Variants in DOCK4 observed in about 807,000 individuals in gnomAD.
The protein encoded by DOCK4 is dedicator of cytokinesis 4.
DOCK4 carries 97 observed loss-of-function variants against 268.1 expected under a neutral mutation model. The ratio of observed to expected loss-of-function variants is 0.36; its 90% CI spans 0.31 to 0.43. The LOEUF (loss-of-function observed/expected upper bound fraction) is 0.43. DOCK4 is among the 20% of genes least tolerant of loss of function. The probability of loss-of-function intolerance (pLI) is 1.00; values close to 1 mark genes in which losing one functional copy is unlikely to be tolerated. For missense variants in DOCK4, 2,145 were observed against 2,455.7 expected (o/e 0.87, Z 2.67); for synonymous variants, 954 against 887.2 (o/e 1.08, Z -1.34).
intron 1 of DOCK4, among the ~76,000 whole-genome samples, chr7:112,205,101 A>G (rs531023814): frequency 4.7e-4 from 72 of 152,228 alleles, no homozygotes; most frequent in Non-Finnish European, 8.5e-4. Flanking sequence ...AGCTGAAATC[A>G]AACAACAAAA....
At chr7:111,921,555 A>G (rs553229434) in intron 12 of DOCK4, among the ~76,000 whole-genome samples, 5 of 152,332 alleles carry the variant, frequency 3.3e-5, no homozygotes, top group Non-Finnish European at 5.9e-5. Context: ...CAAAAATGGA[A>G]AACTGTGATA....
intron 30 of DOCK4, among the ~76,000 whole-genome samples, chr7:111,802,763 G>A (rs756087186): frequency 4.0e-5 from 6 of 151,590 alleles, no homozygotes; most frequent in Admixed American, 2.6e-4. Context: ...AATTTCAAAC[G>A]CACACAAAAT....
chr7:111,885,504 T>G (rs1049676356), intron 16 of DOCK4, among the ~76,000 whole-genome samples: 1 of 152,110 alleles, frequency 6.6e-6, no homozygotes, highest in Non-Finnish European at 1.5e-5. Context: ...ACAGCTAAAG[T>G]GTTACCAGTG....
intron 6 of DOCK4, among the ~76,000 whole-genome samples, chr7:111,984,758 T>G (rs1798919551): frequency 6.6e-6 from 1 of 152,132 alleles, no homozygotes; most frequent in South Asian, 2.1e-4. Flanking sequence ...CATCATTTGG[T>G]TCTAGAAATT....
chr7:112,092,512 G>A (rs551076457), intron 1 of DOCK4, among the ~76,000 whole-genome samples: 11 of 152,142 alleles, frequency 7.2e-5, no homozygotes, highest in East Asian at 1.9e-4. Flanking sequence ...ACCTAACGGC[G>A]CGACAGGCTC....
rs550733555 is a variant in DOCK4, at chr7:111,810,401, G to A, written c.3007-1000C>T. Among the ~76,000 whole-genome samples, 58 of 151,840 alleles carry A rather than the reference G, an allele frequency of 3.8e-4. 1 individual carries two copies. The Middle Eastern group carries it at 0.014, about 36-fold the overall frequency. ...TGGGGGGCAGAGGTTGCAGTGAGCC[G>A]AGATTGCGCCACTGCACTCCAGACT... On this transcript the variant is annotated intron_variant, in intron 28 of 52. Coordinates refer to ENST00000428084, the MANE Select transcript of DOCK4 (RefSeq NM_001363540.2).
chr7:111,822,111 C>T (rs1006618229), intron 27 of DOCK4, among the ~76,000 whole-genome samples: 1 of 152,172 alleles, frequency 6.6e-6, no homozygotes, highest in Admixed American at 6.5e-5. Flanking sequence ...AGTGGTTATA[C>T]AGCCTAGGGG....
At chr7:112,008,915 C>G (rs1313294730) in intron 1 of DOCK4, among the ~76,000 whole-genome samples, 1 of 152,190 alleles carries the variant, frequency 6.6e-6, no homozygotes, top group Non-Finnish European at 1.5e-5. Flanking sequence ...ATCGCTTGAA[C>G]CCGGGAGGCG....
intron 1 of DOCK4, among the ~76,000 whole-genome samples, chr7:112,148,727 T>G (rs911599685): frequency 1.3e-5 from 2 of 152,180 alleles, no homozygotes; most frequent in African/African-American, 4.8e-5. Context: ...CCTAGAATTC[T>G]AGCGATGGGC....
rs869052136 is a variant in DOCK4, at chr7:111,762,762, C to CTTTTTTTTTTTTTTTTTTTTTT, written c.4020+2334_4020+2355dup. On this transcript the variant is annotated intron_variant, in intron 39 of 52. Transcript: ENST00000428084. Reference sequence around the variant, plus strand: ...TAAATAACCCATTTTGTTTTGTTTTCTTTTTTTTTTTTTTTTTTTTTTTTG... The same window carrying CTTTTTTTTTTTTTTTTTTTTTT: ...TAAATAACCCATTTTGTTTTGTTTTCTTTTTTTTTTTTTTTTTTTTTTTTTTTTTTTTTTTTTTTTTTTTTTG... 2.5e-3 allele frequency among the ~76,000 whole-genome samples: 157 copies of CTTTTTTTTTTTTTTTTTTTTTT among 63,056 alleles called. 19 individuals carry two copies. Among genetic ancestry groups the CTTTTTTTTTTTTTTTTTTTTTT allele is most frequent in the African/African-American group, 5.3e-3 (97 of 18,368 alleles). 41.4% of individuals were successfully genotyped at this position (63,056 alleles called of 152,430 possible). A position where few individuals can be genotyped will look rare whatever the true frequency, so the allele number is the denominator to read the frequency against.
chr7:112,128,329 TC>T (rs1563112010), intron 1 of DOCK4, among the ~76,000 whole-genome samples: 1 of 151,518 alleles, frequency 6.6e-6, no homozygotes, highest in East Asian at 2.0e-4. Context: ...AGCCGCCCCG[TC>T]CGGGAGGTGA....
At chr7:112,079,071 G>A (rs572486298) in intron 1 of DOCK4, among the ~76,000 whole-genome samples, 38 of 152,322 alleles carry the variant, frequency 2.5e-4, no homozygotes, top group African/African-American at 8.2e-4. Flanking sequence ...AGATTGCAGT[G>A]AGCTGAGATT....
intron 8 of DOCK4, among the ~76,000 whole-genome samples, chr7:111,953,416 G>A (rs761944086): frequency 6.6e-6 from 1 of 152,100 alleles, no homozygotes; most frequent in Non-Finnish European, 1.5e-5. Flanking sequence ...GAATACAAAC[G>A]TAAGGTGATC....
At chr7:111,934,523 G>GTTTTTTTTTGTTTTTT (rs1794533596) in intron 12 of DOCK4, among the ~76,000 whole-genome samples, 1 of 83,874 alleles carries the variant, frequency 1.2e-5, no homozygotes. Context: ...TTTTGTTTTT[G>GTTTTTTTTTGTTTTTT]TTTTTTTTTT....
chr7:111,863,570 AAAG>A lies in DOCK4; in HGVS notation c.2281-9_2281-7del, dbSNP rs749060445. On this transcript the variant is annotated splice_region_variant and splice_polypyrimidine_tract_variant and intron_variant, in intron 22 of 52. Transcript: ENST00000428084. ...AAAGAGCTCAGAAACACAGCCTTAA[AAAG>A]AAGAAGACATTTAAATCAACTCCCA... 306 of 1,589,288 alleles carry A rather than the reference AAAG, an allele frequency of 1.9e-4. No individual in the cohort carries two copies. Among genetic ancestry groups the A allele is most frequent in the Non-Finnish European group, 2.4e-4 (279 of 1,165,510 alleles).
At chr7:111,743,894 A>G (rs901931731) in intron 44 of DOCK4, among the ~76,000 whole-genome samples, 6 of 152,168 alleles carry the variant, frequency 3.9e-5, no homozygotes, top group African/African-American at 1.4e-4. Flanking sequence ...ATCATAGCTC[A>G]CTGCAACCTC....
chr7:112,015,362 A>C (rs1801725533), intron 1 of DOCK4, among the ~76,000 whole-genome samples: 1 of 152,312 alleles, frequency 6.6e-6, no homozygotes, highest in African/African-American at 2.4e-5. Flanking sequence ...TCCAAGAATA[A>C]TCCACTCTTG....
intron 1 of DOCK4, among the ~76,000 whole-genome samples, chr7:112,038,481 CTAA>C (rs1804046298): frequency 1.3e-5 from 2 of 152,148 alleles, no homozygotes; most frequent in Non-Finnish European, 2.9e-5. Context: ...GTGACAAATA[CTAA>C]TGTCACCCTG....
intron 1 of DOCK4, among the ~76,000 whole-genome samples, chr7:112,093,178 T>C (rs936980943): frequency 1.3e-5 from 2 of 152,044 alleles, no homozygotes; most frequent in Non-Finnish European, 2.9e-5. Context: ...GTAGGCACAA[T>C]GTTACCCCAG....
Sources: allele counts gnomAD v4.1 joint callset (sites outside exome capture counted in the v4.1 genomes callset), GRCh38; gene constraint gnomAD v4.1.1; transcripts MANE v1.5; gene names NCBI Gene and HGNC (gene_info 2026-07-23, HGNC 2026-07-21).